NEU4: variants seen among roughly 807,000 people sequenced by gnomAD.
NEU4 encodes the protein sialidase-4.
NEU4 carries 7 observed loss-of-function variants against 9.9 expected under a neutral mutation model. The ratio of observed to expected loss-of-function variants is 0.71; its 90% CI spans 0.40 to 1.33. The LOEUF is 1.33. Ranked by LOEUF, NEU4 falls within the 40% of genes most tolerant of loss-of-function variation. The pLI is 0.01. For missense variants in NEU4, 717 were observed against 712.6 expected (o/e 1.01, Z -0.07); for synonymous variants, 348 against 316.9 (o/e 1.10, Z -1.04).
rs1159804869 is a variant in NEU4 at position 241,816,337 on chromosome 2, T to C, written c.744T>C (p.Arg248=). 1.9e-6 allele frequency: 3 copies of C among 1,580,376 alleles called. No individual in the cohort carries two copies. The Admixed American group carries it at 5.4e-5, about 28-fold the overall frequency. Residue 248 remains arginine (R), a synonymous_variant, in exon 4 of 4, where the codon CGT becomes CGC. Coordinates refer to ENST00000407683, the MANE Select transcript of NEU4 (RefSeq NM_001167600.3). Reference sequence around the variant, plus strand: ...ATGCCCGGAGCCCACTGGGCAGCCGTGTGCAGGCGCTCAGCACTGACGAGG... The same window carrying C: ...ATGCCCGGAGCCCACTGGGCAGCCGCGTGCAGGCGCTCAGCACTGACGAGG... ...YCNARSPLGS[R]VQALSTDEGT...
At chr2:241,812,572 T>TAACTGGGGCTGGCCTCC (rs371515537) in intron 1 of NEU4, among the ~76,000 whole-genome samples, 2 of 30,266 alleles carry the variant, frequency 6.6e-5, no homozygotes, top group Non-Finnish European at 1.1e-4. Flanking sequence ...CTGGCCACAC[T>TAACTGGGGCTGGCCTCC]GAGCACGGCT....
At chr2:241,814,713 G>T (rs1053754977) in intron 2 of NEU4, 28 bp downstream of exon 2, 5 of 1,529,248 alleles carry the variant, frequency 3.3e-6, no homozygotes, top group Non-Finnish European at 3.5e-6. Context: ...GGCTCTGTGT[G>T]GGTGTAGTGG....
chr2:241,811,635 C>T (rs1019158910), intron 1 of NEU4: 12 of 459,228 alleles, frequency 2.6e-5, no homozygotes, highest in African/African-American at 8.1e-5. Context: ...AAACAAGGGG[C>T]GGGCTGCAGG....
chr2:241,816,891 T>A lies in NEU4; in HGVS notation c.1298T>A (p.Leu433Gln). The A allele has an allele frequency of 6.2e-7, 1 of 1,612,776 alleles. No homozygotes were observed. The highest frequency in any genetic ancestry group is 1.1e-5 in the South Asian group (1 of 91,080). ...ASIGPAPEGG[L>Q]VFACLYESGA... is the part of the protein sequence containing the mutation. Reference sequence around the variant, plus strand: ...ATCGGGCCGGCCCCTGAGGGGGGCCTGGTTTTTGCCTGCCTGTACGAGAGC... The same window carrying A: ...ATCGGGCCGGCCCCTGAGGGGGGCCAGGTTTTTGCCTGCCTGTACGAGAGC... The change falls in exon 4 of 4, where the codon CTG (leucine) becomes CAG (glutamine). Residue 433 changes from leucine (L) to glutamine (Q), a missense_variant. By Grantham distance (113) the Leu-to-Gln change is moderately radical. Transcript: ENST00000407683.
At chr2:241,815,985 C>T in intron 3 of NEU4, 66 bp from the exon 4 acceptor site, 1 of 1,460,042 alleles carries the variant, frequency 6.8e-7, no homozygotes, top group Non-Finnish European at 9.1e-7. Context: ...TCCCCCTGTG[C>T]CTTCCTCCAG....
intron 1 of NEU4, among the ~76,000 whole-genome samples, chr2:241,813,176 G>C (rs1490468361): frequency 6.6e-6 from 1 of 152,212 alleles, no homozygotes; most frequent in Non-Finnish European, 1.5e-5. Flanking sequence ...AGGCCTGCTT[G>C]GGTTTTACAC....
chr2:241,815,533 A>C, intron 3 of NEU4: 2 of 484,142 alleles, frequency 4.1e-6, no homozygotes, highest in Non-Finnish European at 8.3e-6. Flanking sequence ...TAATCTCTTT[A>C]TCTGCAGAGG....
At chr2:241,815,856 C>G in intron 3 of NEU4, 195 bp from the exon 4 acceptor site, 1 of 630,684 alleles carries the variant, frequency 1.6e-6, no homozygotes, top group South Asian at 2.0e-5. Flanking sequence ...GGCTCGGCTG[C>G]TAAGGGCTGT....
intron 1 of NEU4, among the ~76,000 whole-genome samples, chr2:241,812,606 C>CACA (rs1700166684): frequency 2.1e-4 from 11 of 51,864 alleles, no homozygotes; most frequent in Non-Finnish European, 2.1e-4. Context: ...AGAGGGACCT[C>CACA]CTGAGGACAC....
intron 1 of NEU4, chr2:241,813,566 A>C: frequency 1.6e-6 from 2 of 1,264,616 alleles, no homozygotes; most frequent in Non-Finnish European, 2.1e-6. Flanking sequence ...ATGCCCCCTC[A>C]CCCGGGCCCT....
At position 241,815,002 on chromosome 2, in the gene NEU4, G is replaced by A. The variant is rs747353840; in HGVS notation, c.312G>A (p.Ala104=). The A allele has an allele frequency of 5.6e-6, 9 of 1,606,856 alleles. No homozygotes were observed. Among genetic ancestry groups the A allele is most frequent in the Non-Finnish European group, 7.6e-6 (9 of 1,179,272 alleles). The change falls in exon 3 of 4, where the codon GCG becomes GCA. Residue 104 remains alanine (A), a synonymous_variant. Coordinates refer to ENST00000407683, the MANE Select transcript of NEU4 (RefSeq NM_001167600.3). ...GTGTVFLFFI[A]VLGHTPEAVQ... ...GCACCGTCTTCCTCTTCTTCATCGC[G>A]GTGCTGGGCCACACGCCTGAGGCCG... is the stretch of plus-strand genomic sequence containing the variant.
rs372940773 is a variant in NEU4 at position 241,816,434 on chromosome 2, G to T, written c.841G>T (p.Val281Leu). The T allele has an allele frequency of 1.9e-6, 3 of 1,607,382 alleles. No homozygotes were observed. Among genetic ancestry groups the T allele is most frequent in the Non-Finnish European group, 2.5e-6 (3 of 1,178,606 alleles). Residue 281 changes from valine (V) to leucine (L), a missense_variant, in exon 4 of 4, where the codon GTG (valine) becomes TTG (leucine). Val to Leu is a conservative substitution (Grantham distance 32). Coordinates refer to ENST00000407683, the MANE Select transcript of NEU4 (RefSeq NM_001167600.3). ...TGCCTGGGGCTGCCAGGGCAGCATC[G>T]TGGGCTTCCCAGCCCCCGCCCCCAA... The part of the protein sequence containing the change: ...ETAWGCQGSI[V>L]GFPAPAPNRP...
intron 3 of NEU4, chr2:241,815,392 AGGCAAATCCCTCTCCCCAGGACCG>A (rs1700289233): frequency 1.1e-5 from 6 of 536,180 alleles, no homozygotes; most frequent in Non-Finnish European, 1.7e-5. Flanking sequence ...CTCCCGTCCC[AGGCAAATCCCTCTCCCCAGGACCG>A]TCCTGCACCT....
In NEU4 at chr2:241,816,106, C is replaced by T. The variant is rs747629007; in HGVS notation, c.513C>T (p.Arg171=). 3.7e-6 allele frequency: 6 copies of T among 1,610,800 alleles called. No individual in the cohort carries two copies. The Admixed American group carries it at 5.0e-5, about 13-fold the overall frequency. The change falls in exon 4 of 4, where the codon CGC becomes CGT. Residue 171 remains arginine (R), a synonymous_variant. Coordinates refer to ENST00000407683, the MANE Select transcript of NEU4 (RefSeq NM_001167600.3). ...PGHGVQLPSG[R]LLVPAYTYRV... ...ACGGTGTGCAGCTGCCCTCAGGCCG[C>T]CTGCTGGTACCCGCCTACACCTACC...
intron 1 of NEU4, chr2:241,810,925 A>G: frequency 1.0e-6 from 1 of 988,446 alleles, no homozygotes. Context: ...CCTGAGAGGC[A>G]CAGGACATTG....
In NEU4 at chr2:241,817,075, C is replaced by T; in HGVS notation, c.*27C>T. On this transcript the variant is annotated 3_prime_UTR_variant, in exon 4 of 4. Transcript: ENST00000407683. ...AGGCCTTCTGGCCGTGCCCATGCCC[C>T]TTGGGTGCCTGGGGCAGAGGGGTGG... 6.5e-7 allele frequency: 1 copy of T among 1,534,000 alleles called. No homozygotes were observed. Among genetic ancestry groups the T allele is most frequent in the South Asian group, 1.3e-5 (1 of 77,496 alleles).
At chr2:241,812,312 C>T (rs1700145775) in intron 1 of NEU4, among the ~76,000 whole-genome samples, 1 of 152,138 alleles carries the variant, frequency 6.6e-6, no homozygotes, top group Non-Finnish European at 1.5e-5. Flanking sequence ...TCCCATCTCC[C>T]CTGGGCCTCG....
Position 241,816,084 on chromosome 2 carries a change from G to A in NEU4, c.491G>A (p.Gly164Asp). Residue 164 changes from glycine to aspartate, a missense_variant, in exon 4 of 4, where the codon GGT becomes GAT. Physicochemically the swap from Gly to Asp is moderately conservative, Grantham distance 94 (BLOSUM62 -1). Coordinates refer to ENST00000407683, the MANE Select transcript of NEU4 (RefSeq NM_001167600.3). ...ACATTCGCTGTGGGTCCCGGCCACG[G>A]TGTGCAGCTGCCCTCAGGCCGCCTG... Reference protein sequence around the residue: ...WATFAVGPGHGVQLPSGRLLV... With the variant: ...WATFAVGPGHDVQLPSGRLLV... 1.2e-6 allele frequency: 2 copies of A among 1,609,788 alleles called. No individual in the cohort carries two copies. Among genetic ancestry groups the A allele is most frequent in the Non-Finnish European group, 1.7e-6 (2 of 1,178,774 alleles).
At chr2:241,811,276 G>C in intron 1 of NEU4, 4 of 1,272,672 alleles carry the variant, frequency 3.1e-6, no homozygotes, top group Non-Finnish European at 4.0e-6. Flanking sequence ...GTGCCCATCT[G>C]CACCCCTGGC....
Sources: gnomAD v4.1 joint callset for allele counts (sites outside exome capture counted in the v4.1 genomes callset) on GRCh38, gnomAD v4.1.1 for gene constraint, MANE v1.5 for transcripts, NCBI Gene and HGNC (gene_info 2026-07-23, HGNC 2026-07-21) for gene names.